Variants in TJP1 observed in about 807,000 individuals in gnomAD.
The protein encoded by TJP1 is tight junction protein ZO-1.
In TJP1, 43 loss-of-function variants were observed where a neutral mutation model predicts 194.2. The observed-to-expected ratio is 0.22, with a 90% CI of 0.17 to 0.29. TJP1 has a LOEUF of 0.29. Among genes scored for constraint, TJP1 ranks in the 10% least tolerant of loss-of-function variants. The pLI is 1.00. For synonymous variants in TJP1, 801 were observed against 779.0 expected, an observed-to-expected ratio of 1.03 and a Z score of -0.47; for missense variants, 1,971 against 2,185.7, an observed-to-expected ratio of 0.90 and a Z score of 1.96.
chr15:29,908,903 C>T (rs1442868844), intron 2 of TJP1, among the ~76,000 whole-genome samples: 1 of 152,084 alleles, frequency 6.6e-6, no homozygotes, highest in Non-Finnish European at 1.5e-5. Context: ...GCCTGTAGTC[C>T]CAGCACTTTG....
At chr15:29,931,542 T>C (rs1187042945) in intron 2 of TJP1, among the ~76,000 whole-genome samples, 1 of 152,214 alleles carries the variant, frequency 6.6e-6, no homozygotes, top group Non-Finnish European at 1.5e-5. Context: ...TTCAATGTAA[T>C]TCCAAACTCC....
chr15:29,949,767 C>T (rs1438550762), intron 2 of TJP1, among the ~76,000 whole-genome samples: 4 of 105,876 alleles, frequency 3.8e-5, no homozygotes, highest in Non-Finnish European at 8.0e-5. Flanking sequence ...ACCACCACTA[C>T]CTCCACCACC....
intron 2 of TJP1, among the ~76,000 whole-genome samples, chr15:29,875,277 A>C (rs2052658104): frequency 6.6e-6 from 1 of 152,192 alleles, no homozygotes; most frequent in Non-Finnish European, 1.5e-5. Context: ...ATAAGCCTCT[A>C]ATCTGTACTT....
chr15:29,774,648 A>G (rs1274937533), intron 2 of TJP1, among the ~76,000 whole-genome samples: 1 of 151,830 alleles, frequency 6.6e-6, no homozygotes, highest in African/African-American at 2.4e-5. Context: ...TTTTTTCCCC[A>G]GTAATGAAAA....
chr15:29,955,841 G>A (rs1390781651), intron 2 of TJP1, among the ~76,000 whole-genome samples: 1 of 147,642 alleles, frequency 6.8e-6, no homozygotes, highest in Non-Finnish European at 1.5e-5. Flanking sequence ...TAATATCAGA[G>A]TAATTATTGT....
At chr15:29,778,351 C>A (rs746587847) in intron 2 of TJP1, among the ~76,000 whole-genome samples, 20 of 152,000 alleles carry the variant, frequency 1.3e-4, no homozygotes, top group Admixed American at 1.3e-3. Flanking sequence ...AAAAATAGCC[C>A]CCAGGTGATT....
At chr15:29,886,599 G>A (rs761058121) in intron 2 of TJP1, among the ~76,000 whole-genome samples, 1 of 149,890 alleles carries the variant, frequency 6.7e-6, no homozygotes, top group Non-Finnish European at 1.5e-5. Flanking sequence ...GAGAGGCCAT[G>A]TCTTAAAAAA....
chr15:29,941,861 T>C (rs561498937), intron 2 of TJP1, among the ~76,000 whole-genome samples: 1 of 152,196 alleles, frequency 6.6e-6, no homozygotes, highest in East Asian at 1.9e-4. Flanking sequence ...CAGGGGAGTC[T>C]CAGATGAACC....
chr15:29,735,009 T>C (rs1046918987), intron 11 of TJP1, among the ~76,000 whole-genome samples: 3 of 151,582 alleles, frequency 2.0e-5, no homozygotes, highest in Non-Finnish European at 4.4e-5. Flanking sequence ...CAAAAGAAAA[T>C]GGGACTAAAA....
intron 2 of TJP1, among the ~76,000 whole-genome samples, chr15:29,938,319 C>CT: frequency 6.6e-6 from 1 of 152,160 alleles, no homozygotes; most frequent in East Asian, 1.9e-4. Flanking sequence ...TATAATAAAT[C>CT]TTTTAAAAAT....
In TJP1 at chr15:29,804,549, C is replaced by T. The variant is rs914420233; in HGVS notation, c.28-3847G>A. 2.6e-5 allele frequency among the ~76,000 whole-genome samples: 4 copies of T among 152,226 alleles called. No homozygotes were observed. In the South Asian group the frequency reaches 8.3e-4, roughly 32 times the overall value. Reference sequence around the variant, plus strand: ...TTCCTTTGGAAGAATACCTAAGAAACGCATGGCTTCTGGAGTGGAGAAAGG... The same window carrying T: ...TTCCTTTGGAAGAATACCTAAGAAATGCATGGCTTCTGGAGTGGAGAAAGG... On this transcript the variant is annotated intron_variant, in intron 1 of 27. Coordinates refer to ENST00000614355, the MANE Select transcript of TJP1 (RefSeq NM_001330239.4).
intron 2 of TJP1, among the ~76,000 whole-genome samples, chr15:29,924,657 C>A (rs910903195): frequency 1.3e-5 from 2 of 152,156 alleles, no homozygotes; most frequent in Non-Finnish European, 2.9e-5. Context: ...GAGCCACTGT[C>A]TTGGTGTAAT....
intron 8 of TJP1, chr15:29,760,274 T>C (rs2045916631): frequency 1.4e-6 from 1 of 702,242 alleles, no homozygotes; most frequent in Non-Finnish European, 2.6e-6. Flanking sequence ...AGAAGGATCA[T>C]AATTTTCTTC....
intron 2 of TJP1, among the ~76,000 whole-genome samples, chr15:29,942,171 T>C (rs1449739668): frequency 6.6e-6 from 1 of 152,232 alleles, no homozygotes; most frequent in African/African-American, 2.4e-5. Flanking sequence ...AAAAGGCCTA[T>C]ATTTTCTTCT....
At chr15:29,790,172 C>T (rs541255585) in intron 2 of TJP1, among the ~76,000 whole-genome samples, 3 of 152,158 alleles carry the variant, frequency 2.0e-5, no homozygotes, top group Non-Finnish European at 4.4e-5. Context: ...GTCTGCAAAG[C>T]CTAAAATACT....
chr15:29,920,933 C>A (rs2054337588), intron 2 of TJP1, among the ~76,000 whole-genome samples: 1 of 152,156 alleles, frequency 6.6e-6, no homozygotes, highest in African/African-American at 2.4e-5. Flanking sequence ...CACAGTGGTG[C>A]CTGCAATTTA....
chr15:29,828,884 C>T (rs1200326228), intron 2 of TJP1, among the ~76,000 whole-genome samples: 1 of 152,042 alleles, frequency 6.6e-6, no homozygotes, highest in Non-Finnish European at 1.5e-5. Context: ...CAGAAGCCTA[C>T]CACAATGCCT....
Position 29,718,985 on chromosome 15 carries a change from C to G in TJP1, c.3157G>C (p.Asp1053His), listed in dbSNP as rs776211391. The G allele has an allele frequency of 6.2e-7, 1 of 1,614,108 alleles. No individual in the cohort carries two copies. Among genetic ancestry groups the G allele is most frequent in the Admixed American group, 1.7e-5 (1 of 60,018 alleles). Residue 1053 changes from aspartate (D) to histidine (H), a missense_variant, in exon 21 of 28, where the codon GAC (aspartate) becomes CAC (histidine). Coordinates refer to ENST00000614355, the MANE Select transcript of TJP1 (RefSeq NM_001330239.4). Reference sequence around the variant, plus strand: ...TATCTGTATGTGGGCTGCTCGAGGTCTCTGCTGGCTTGTTTCTCTACGTAT... The same window carrying G: ...TATCTGTATGTGGGCTGCTCGAGGTGTCTGCTGGCTTGTTTCTCTACGTAT... Reference protein sequence around the residue: ...LPYVEKQASRDLEQPTYRYES... With the variant: ...LPYVEKQASRHLEQPTYRYES...
intron 2 of TJP1, among the ~76,000 whole-genome samples, chr15:29,876,955 G>A (rs1189700352): frequency 6.6e-6 from 1 of 152,138 alleles, no homozygotes; most frequent in Non-Finnish European, 1.5e-5. Context: ...AAGCAAAAAT[G>A]CTCAAGAAAT....
Sources: allele counts gnomAD v4.1 joint callset (sites outside exome capture counted in the v4.1 genomes callset), GRCh38; gene constraint gnomAD v4.1.1; transcripts MANE v1.5; gene names NCBI Gene and HGNC (gene_info 2026-07-23, HGNC 2026-07-21).